CFAP43: variants seen among roughly 807,000 people sequenced by gnomAD.
CFAP43 encodes cilia and flagella associated protein 43, also known as cilia- and flagella-associated protein 43.
Under a neutral mutation model 218.9 loss-of-function variants are expected in CFAP43, and 155 were observed. That is an observed-to-expected ratio of 0.71 (90% CI 0.62 to 0.81). The LOEUF (loss-of-function observed/expected upper bound fraction) is 0.81. Ranked by LOEUF, CFAP43 falls within the 30% of genes least tolerant of loss-of-function variation. The pLI is 0.00. For missense variants in CFAP43, 1,778 were observed against 1,954.3 expected, an observed-to-expected ratio of 0.91 and a Z score of 1.70; for synonymous variants, 645 against 681.3, an observed-to-expected ratio of 0.95 and a Z score of 0.83.
chr10:104,177,425 C>T (rs941364265), intron 19 of CFAP43, among the ~76,000 whole-genome samples: 2 of 152,174 alleles, frequency 1.3e-5, no homozygotes, highest in Non-Finnish European at 2.9e-5. Flanking sequence ...CATAACCCTA[C>T]AGGGAGGAAA....
intron 17 of CFAP43, 133 bp from the exon 18 acceptor site, chr10:104,180,065 T>TC: frequency 1.4e-6 from 1 of 696,650 alleles, no homozygotes; most frequent in Non-Finnish European, 2.5e-6. Flanking sequence ...ATCTCCAACA[T>TC]TTTGTCTGCC....
chr10:104,167,724 G>T lies in CFAP43; in HGVS notation c.2705C>A (p.Pro902His). The T allele has an allele frequency of 6.2e-7, 1 of 1,604,734 alleles. No individual in the cohort carries two copies. The highest frequency in any genetic ancestry group is 1.3e-5 in the African/African-American group (1 of 74,528). ...KGRALKCFHI[P>H]CVVENFPMKA... The stretch of plus-strand genomic sequence containing the variant: ...CATCGGGAAGTTTTCAACCACACAG[G>T]GGATATGAAAACACTTGGGGAAAAA... Residue 902 changes from proline to histidine, a missense_variant, in exon 22 of 38, where the codon CCC (proline) becomes CAC (histidine). Coordinates refer to ENST00000357060, the MANE Select transcript of CFAP43 (RefSeq NM_025145.7).
chr10:104,216,092 C>T (rs1160415739), intron 3 of CFAP43, among the ~76,000 whole-genome samples: 1 of 152,218 alleles, frequency 6.6e-6, no homozygotes, highest in Non-Finnish European at 1.5e-5. Flanking sequence ...TCTCCCCTCT[C>T]CTCAGAGTCA....
chr10:104,198,229 T>G (rs184330904), intron 8 of CFAP43, among the ~76,000 whole-genome samples, 191 bp from the exon 9 acceptor site: 139 of 152,354 alleles, frequency 9.1e-4, no homozygotes, highest in African/African-American at 3.3e-3. Context: ...GTTTGTTTAT[T>G]GATTGATCGG....
In CFAP43 at chr10:104,130,117, TTG is replaced by T; in HGVS notation, c.*20_*21del. ...GATTTTTTAAATGATTGATTTGGCCTTGTGTTTTCCTGCCAGCGTTTTTACAT... is the reference window on the plus strand; with the variant it reads ...GATTTTTTAAATGATTGATTTGGCCTTGTTTTCCTGCCAGCGTTTTTACAT... On this transcript the variant is annotated 3_prime_UTR_variant, in exon 38 of 38. Transcript: ENST00000357060. The T allele has an allele frequency of 6.4e-7, 1 of 1,564,014 alleles. No individual in the cohort carries two copies. The highest frequency in any genetic ancestry group is 8.6e-7 in the Non-Finnish European group (1 of 1,160,956).
chr10:104,182,656 C>A lies in CFAP43; in HGVS notation c.2142-143G>T, dbSNP rs188104106. ...AATATGTGGACAATTCTTCACAGTGCCTTGTGGAAACTTCTTCAGTGCCTA... is the reference window on the plus strand; with the variant it reads ...AATATGTGGACAATTCTTCACAGTGACTTGTGGAAACTTCTTCAGTGCCTA... On this transcript the variant is annotated intron_variant, in intron 16 of 37. Coordinates refer to ENST00000357060, the MANE Select transcript of CFAP43 (RefSeq NM_025145.7). The A allele has an allele frequency of 1.2e-4, 91 of 771,084 alleles. No homozygotes were observed. The African/African-American group carries it at 1.6e-3, about 14-fold the overall frequency. 47.8% of individuals were successfully genotyped at this position (771,084 alleles called of 1,614,324 possible). A position where few individuals can be genotyped will look rare whatever the true frequency, so the allele number is the denominator to read the frequency against.
chr10:104,152,431 C>G (rs1034699024), intron 28 of CFAP43, among the ~76,000 whole-genome samples, 176 bp downstream of exon 28: 3 of 151,848 alleles, frequency 2.0e-5, no homozygotes, highest in African/African-American at 7.3e-5. Context: ...TCAAGATGTT[C>G]AAAGAGGAAG....
chr10:104,198,982 A>G (rs1304856060), intron 8 of CFAP43, among the ~76,000 whole-genome samples: 2 of 152,234 alleles, frequency 1.3e-5, no homozygotes, highest in East Asian at 1.9e-4. Context: ...TTTACAAAAC[A>G]TAACAAAACA....
At chr10:104,182,253 TG>T in intron 17 of CFAP43, 112 bp downstream of exon 17, 1 of 1,201,270 alleles carries the variant, frequency 8.3e-7, no homozygotes, top group Non-Finnish European at 1.1e-6. Context: ...ATGGGATACC[TG>T]GATAAAGAGA....
intron 8 of CFAP43, among the ~76,000 whole-genome samples, chr10:104,202,691 T>C (rs1210990216): frequency 6.6e-6 from 1 of 152,190 alleles, no homozygotes; most frequent in Non-Finnish European, 1.5e-5. Flanking sequence ...TTTGCTAGTG[T>C]ATTTTTCTTC....
intron 19 of CFAP43, among the ~76,000 whole-genome samples, chr10:104,174,888 T>C (rs1171308141): frequency 6.7e-6 from 1 of 149,986 alleles, no homozygotes; most frequent in African/African-American, 2.5e-5. Context: ...ACACCATCTC[T>C]ACTAAAAATA....
intron 16 of CFAP43, among the ~76,000 whole-genome samples, chr10:104,183,298 C>A (rs886067750): frequency 2.0e-5 from 3 of 152,150 alleles, no homozygotes; most frequent in Non-Finnish European, 4.4e-5. Flanking sequence ...ATGCTACAGA[C>A]CCCCTACCTT....
chr10:104,158,372 G>C (rs1383907424), intron 27 of CFAP43, among the ~76,000 whole-genome samples: 1 of 152,076 alleles, frequency 6.6e-6, no homozygotes, highest in Non-Finnish European at 1.5e-5. Context: ...ACCAACAGTG[G>C]GACTGACTGA....
At chr10:104,198,122 C>A in intron 8 of CFAP43, 84 bp from the exon 9 acceptor site, 1 of 781,002 alleles carries the variant, frequency 1.3e-6, no homozygotes, top group South Asian at 1.7e-5. Flanking sequence ...CCTACTGTAA[C>A]CAAGGCTCTA....
At chr10:104,186,161 T>G in intron 14 of CFAP43, 38 bp from the exon 15 acceptor site, 4 of 1,443,380 alleles carry the variant, frequency 2.8e-6, no homozygotes, top group Non-Finnish European at 2.7e-6. Context: ...ATAGAAAAGA[T>G]CAGGTAAACA....
chr10:104,212,000 T>A lies in CFAP43; in HGVS notation c.735+7A>T. On this transcript the variant is annotated splice_region_variant and intron_variant, in intron 5 of 37. Transcript: ENST00000357060. ...TAGGCAAACAGGAAGAGGTGCCAGG[T>A]AATTACCCGGAAAGTCTCTGCCTCT... 1 of 1,610,816 alleles carries A rather than the reference T, an allele frequency of 6.2e-7. No homozygotes were observed. The highest frequency in any genetic ancestry group is 8.5e-7 in the Non-Finnish European group (1 of 1,177,866).
intron 8 of CFAP43, among the ~76,000 whole-genome samples, chr10:104,199,584 T>C (rs971749218): frequency 6.6e-6 from 1 of 152,128 alleles, no homozygotes; most frequent in Non-Finnish European, 1.5e-5. Flanking sequence ...AAATATACTG[T>C]AAGTTAAACA....
At chr10:104,152,554 T>C in intron 28 of CFAP43, 53 bp downstream of exon 28, 1 of 1,604,830 alleles carries the variant, frequency 6.2e-7, no homozygotes, top group South Asian at 1.1e-5. Context: ...CTAAGAACCA[T>C]GGAAGGGCCC....
chr10:104,169,227 G>A (rs1227947507), intron 20 of CFAP43, among the ~76,000 whole-genome samples: 1 of 152,182 alleles, frequency 6.6e-6, no homozygotes, highest in East Asian at 1.9e-4. Flanking sequence ...AAACCACTGA[G>A]CGAAGTCTTC....
Sources: allele counts gnomAD v4.1 joint callset (sites outside exome capture counted in the v4.1 genomes callset), GRCh38; gene constraint gnomAD v4.1.1; transcripts MANE v1.5; gene names NCBI Gene and HGNC (gene_info 2026-07-23, HGNC 2026-07-21).